CRYL1: variants seen among roughly 807,000 people sequenced by gnomAD.
CRYL1 encodes crystallin lambda 1.
CRYL1 carries 29 observed loss-of-function variants against 36.6 expected under a neutral mutation model. The observed-to-expected ratio is 0.79, with a 90% CI of 0.59 to 1.08. The LOEUF is 1.08. Among genes scored for constraint, CRYL1 ranks in the 50% least tolerant of loss-of-function variants. CRYL1 has a pLI of 0.00. For synonymous variants in CRYL1, 152 were observed against 151.5 expected, an observed-to-expected ratio of 1.00 and a Z score of -0.02; for missense variants, 411 against 407.9, an observed-to-expected ratio of 1.01 and a Z score of -0.06.
chr13:20,460,581 A>T (rs911304687), intron 3 of CRYL1, among the ~76,000 whole-genome samples: 10 of 121,358 alleles, frequency 8.2e-5, no homozygotes, highest in East Asian at 2.4e-4. Context: ...GCTGGAGTGC[A>T]GTGGCGCTAT....
At chr13:20,460,445 G>A in intron 3 of CRYL1, among the ~76,000 whole-genome samples, 1 of 148,704 alleles carries the variant, frequency 6.7e-6, no homozygotes, top group East Asian at 2.0e-4. Context: ...CTTCACCACA[G>A]CCTCAACACT....
intron 5 of CRYL1, among the ~76,000 whole-genome samples, chr13:20,427,687 A>C (rs754790314): frequency 6.6e-6 from 1 of 150,898 alleles, no homozygotes; most frequent in Non-Finnish European, 1.5e-5. Context: ...AGTGAGACTG[A>C]AAACGGGAAA....
At position 20,489,524 on chromosome 13, in the gene CRYL1, T is replaced by G; in HGVS notation, c.150-28A>C. ...GGAAAGGCAGAGAGAAGGATCACTG[T>G]GAGTATTCAACACCACATTTAAAAA... On this transcript the variant is annotated intron_variant, in intron 2 of 7. Coordinates refer to ENST00000298248, the MANE Select transcript of CRYL1 (RefSeq NM_015974.3). 4 of 1,610,254 alleles carry G rather than the reference T, an allele frequency of 2.5e-6. No homozygotes were observed. The Admixed American group carries it at 6.7e-5, about 27-fold the overall frequency.
intron 3 of CRYL1, among the ~76,000 whole-genome samples, chr13:20,452,728 G>A (rs555905177): frequency 5.3e-5 from 8 of 152,280 alleles, no homozygotes; most frequent in African/African-American, 1.9e-4. Flanking sequence ...ATGTGTCAAT[G>A]TAGGTTCATC....
rs1486795096 is a variant in CRYL1 at position 20,435,108 on chromosome 13, T to C, written c.439-2812A>G. ...TTCATGGGTAGGAGGTTCAGTCTTATAAGAGGAGAAAGTTCCATGGATTGT... is the reference window on the plus strand; with the variant it reads ...TTCATGGGTAGGAGGTTCAGTCTTACAAGAGGAGAAAGTTCCATGGATTGT... On this transcript the variant is annotated intron_variant, in intron 4 of 7. Coordinates refer to ENST00000298248, the MANE Select transcript of CRYL1 (RefSeq NM_015974.3). This position sits in a 1 kb window ranked among gnomAD's most constrained non-coding sequence, Gnocchi z 4.0. Among the ~76,000 whole-genome samples, 1 of 152,196 alleles carries C rather than the reference T, an allele frequency of 6.6e-6. No homozygotes were observed. Among genetic ancestry groups the C allele is most frequent in the East Asian group, 1.9e-4 (1 of 5,200 alleles).
intron 5 of CRYL1, among the ~76,000 whole-genome samples, chr13:20,428,907 T>A (rs888699195): frequency 6.6e-6 from 1 of 152,082 alleles, no homozygotes; most frequent in Non-Finnish European, 1.5e-5. Context: ...CCTACCCTGG[T>A]AGGAGCATCC....
chr13:20,434,083 T>G (rs1348169510), intron 4 of CRYL1, among the ~76,000 whole-genome samples: 6 of 152,210 alleles, frequency 3.9e-5, no homozygotes, highest in Non-Finnish European at 8.8e-5. Flanking sequence ...GTTATCCCCA[T>G]GGTCCCCAAC....
chr13:20,455,164 AT>A (rs1242651872), intron 3 of CRYL1, among the ~76,000 whole-genome samples: 2 of 152,250 alleles, frequency 1.3e-5, no homozygotes, highest in African/African-American at 4.8e-5. Flanking sequence ...ATCAAAAAAA[AT>A]GTTAAATACC....
rs538600359 is a variant in CRYL1, at chr13:20,420,243, G to A, written c.634-6856C>T. ...TCCAAGAGGACGCGCAGGAGTCAGCGCTCCGGGGAAAGAAGATGAGAAACA... is the reference window on the plus strand; with the variant it reads ...TCCAAGAGGACGCGCAGGAGTCAGCACTCCGGGGAAAGAAGATGAGAAACA... On this transcript the variant is annotated intron_variant, in intron 5 of 7. Coordinates refer to ENST00000298248, the MANE Select transcript of CRYL1 (RefSeq NM_015974.3). 3.4e-4 allele frequency among the ~76,000 whole-genome samples: 52 copies of A among 152,310 alleles called. 1 individual carries two copies. The South Asian group carries it at 4.1e-3, about 12-fold the overall frequency.
At chr13:20,454,627 G>A (rs1439900575) in intron 3 of CRYL1, among the ~76,000 whole-genome samples, 2 of 152,146 alleles carry the variant, frequency 1.3e-5, no homozygotes, top group African/African-American at 4.8e-5. Context: ...CACCGTGTTC[G>A]CCAGGATGGC....
intron 4 of CRYL1, 36 bp downstream of exon 4, chr13:20,439,555 ATG>A: frequency 1.5e-6 from 2 of 1,365,414 alleles, no homozygotes; most frequent in East Asian, 2.5e-5. Flanking sequence ...ACAGAATGAG[ATG>A]AGATACAATC....
At chr13:20,492,199 A>G (rs1028856443) in intron 2 of CRYL1, among the ~76,000 whole-genome samples, 10 of 152,240 alleles carry the variant, frequency 6.6e-5, no homozygotes, top group Non-Finnish European at 1.2e-4. Context: ...AAGCTCATTT[A>G]TCATTCACTG....
Position 20,512,468 on chromosome 13 carries a change from T to C in CRYL1, c.124A>G (p.Ile42Val). ...VKLYDIEQQQ[I>V]RNALENIRKE... ...CTGATGTTTTCCAGGGCGTTCCTTA[T>C]CTGCTGTTGCTCAATGTCATAGAGT... The change falls in exon 2 of 8, where the codon ATA becomes GTA. Residue 42 changes from isoleucine to valine, a missense_variant. By Grantham distance (29) the Ile-to-Val change is conservative. Transcript: ENST00000298248. 6.2e-7 allele frequency: 1 copy of C among 1,614,048 alleles called. No homozygotes were observed. Among genetic ancestry groups the C allele is most frequent in the Non-Finnish European group, 8.5e-7 (1 of 1,179,910 alleles).
At chr13:20,413,448 A>C in intron 5 of CRYL1, 61 bp from the exon 6 acceptor site, 2 of 1,027,816 alleles carry the variant, frequency 1.9e-6, no homozygotes, top group Non-Finnish European at 3.0e-6. Context: ...CATGACCACC[A>C]CTTCCATCCT....
At chr13:20,472,707 A>C (rs1275346258) in intron 3 of CRYL1, among the ~76,000 whole-genome samples, 1 of 152,192 alleles carries the variant, frequency 6.6e-6, no homozygotes, top group Non-Finnish European at 1.5e-5. Flanking sequence ...GGACTGGCTC[A>C]CTGGGGCAGG....
intron 1 of CRYL1, among the ~76,000 whole-genome samples, chr13:20,524,251 C>T (rs550227281): frequency 1.6e-4 from 24 of 152,206 alleles, no homozygotes; most frequent in African/African-American, 5.1e-4. Flanking sequence ...TGCGCGTGCG[C>T]GCACGCATGC....
rs1303300335 is a variant in CRYL1, at chr13:20,425,703, C to A, written c.633+6399G>T. Among the ~76,000 whole-genome samples, 2 of 152,176 alleles carry A rather than the reference C, an allele frequency of 1.3e-5. No homozygotes were observed. Among genetic ancestry groups the A allele is most frequent in the Non-Finnish European group, 2.9e-5 (2 of 68,034 alleles). Reference sequence around the variant, plus strand: ...CAGCAGCAAATTTAAACATTTTAGGCCATCTTCCCCCTAGAACATGTTCAT... The same window carrying A: ...CAGCAGCAAATTTAAACATTTTAGGACATCTTCCCCCTAGAACATGTTCAT... On this transcript the variant is annotated intron_variant, in intron 5 of 7. Coordinates refer to ENST00000298248, the MANE Select transcript of CRYL1 (RefSeq NM_015974.3). This position sits in a 1 kb window ranked among gnomAD's most constrained non-coding sequence, Gnocchi z 4.4.
In CRYL1 at chr13:20,508,982, C is replaced by T. The variant is rs1593497405; in HGVS notation, c.149+3461G>A. Among the ~76,000 whole-genome samples, 5 of 150,796 alleles carry T rather than the reference C, an allele frequency of 3.3e-5. No homozygotes were observed. The South Asian group carries it at 1.1e-3, about 32-fold the overall frequency. ...TCGGGAGGCTGAGGTGGGTGGATCA[C>T]CTGAGGTCAGGAGTCAGCCTGACTA... On this transcript the variant is annotated intron_variant, in intron 2 of 7. Coordinates refer to ENST00000298248, the MANE Select transcript of CRYL1 (RefSeq NM_015974.3).
intron 4 of CRYL1, among the ~76,000 whole-genome samples, chr13:20,432,984 C>T (rs2032107076): frequency 6.6e-6 from 1 of 152,198 alleles, no homozygotes; most frequent in Non-Finnish European, 1.5e-5. Context: ...TGCCATTGTA[C>T]TCCAGCCTAG....
Sources: gnomAD v4.1 joint callset for allele counts (sites outside exome capture counted in the v4.1 genomes callset) on GRCh38, gnomAD v4.1.1 for gene constraint, Gnocchi (gnomAD v3.1) non-coding constraint, MANE v1.5 for transcripts, NCBI Gene and HGNC (gene_info 2026-07-23, HGNC 2026-07-21) for gene names.